STX18: variants seen among roughly 807,000 people sequenced by gnomAD.
STX18 encodes the protein syntaxin-18.
Under a neutral mutation model 50.1 loss-of-function variants are expected in STX18, and 40 were observed. The ratio of observed to expected loss-of-function variants is 0.80; its 90% CI spans 0.62 to 1.04. The LOEUF is 1.04. Among genes scored for constraint, STX18 ranks in the 50% least tolerant of loss-of-function variants. The pLI is 0.00. For missense variants in STX18, 410 were observed against 415.8 expected, an observed-to-expected ratio of 0.99 and a Z score of 0.12; for synonymous variants, 158 against 151.8, an observed-to-expected ratio of 1.04 and a Z score of -0.30.
rs74766870 is a variant in STX18, at chr4:4,509,695, A to T, written c.168+32102T>A. On this transcript the variant is annotated intron_variant, in intron 1 of 10. Transcript: ENST00000306200. ...GTGAAAGTGTTACGGGACAAAAAGC[A>T]AAAGTAATGCAAAGTAAGGGAAATC... Among the ~76,000 whole-genome samples, 18 of 152,332 alleles carry T rather than the reference A, an allele frequency of 1.2e-4. 1 individual carries two copies. In the East Asian group the frequency reaches 3.5e-3, roughly 29 times the overall value.
intron 1 of STX18, among the ~76,000 whole-genome samples, chr4:4,497,919 TAAGGAG>T (rs1309882855): frequency 1.3e-5 from 2 of 152,164 alleles, no homozygotes; most frequent in African/African-American, 2.4e-5. Context: ...CACAAGAATG[TAAGGAG>T]GTAATATGCC....
chr4:4,493,455 T>C (rs1024399740), intron 1 of STX18, among the ~76,000 whole-genome samples: 8 of 152,224 alleles, frequency 5.3e-5, no homozygotes, highest in Non-Finnish European at 8.8e-5. Flanking sequence ...CTGTATTTAA[T>C]TGACACCACA....
At chr4:4,436,526 G>C (rs1293618305) in intron 6 of STX18, among the ~76,000 whole-genome samples, 1 of 151,336 alleles carries the variant, frequency 6.6e-6, no homozygotes, top group Non-Finnish European at 1.5e-5. Flanking sequence ...CAGAAACCTT[G>C]TTCATATCTG....
At chr4:4,438,792 C>T (rs970360450) in intron 5 of STX18, among the ~76,000 whole-genome samples, 6 of 151,896 alleles carry the variant, frequency 4.0e-5, no homozygotes, top group Non-Finnish European at 5.9e-5. Flanking sequence ...GTGCTGAATA[C>T]GCTCCATAGA....
At chr4:4,503,461 A>G (rs1220820961) in intron 1 of STX18, among the ~76,000 whole-genome samples, 2 of 152,158 alleles carry the variant, frequency 1.3e-5, no homozygotes, top group Non-Finnish European at 2.9e-5. Context: ...CTCAACATAC[A>G]ACACTTAGAG....
chr4:4,423,813 C>G, intron 8 of STX18: 1 of 564,624 alleles, frequency 1.8e-6, no homozygotes, highest in Non-Finnish European at 3.2e-6. Flanking sequence ...TTTTGGAAGT[C>G]CACTCTACCA....
intron 5 of STX18, among the ~76,000 whole-genome samples, chr4:4,442,804 A>T (rs1399388515): frequency 3.4e-5 from 2 of 58,600 alleles, no homozygotes; most frequent in Non-Finnish European, 6.0e-5. Context: ...CAAGTTTATT[A>T]AAAAAAAAAA....
In STX18 at chr4:4,420,611, AG is replaced by A; in HGVS notation, c.912+252del. On this transcript the variant is annotated intron_variant, in intron 10 of 10. Transcript: ENST00000306200. The surrounding 1 kb of genome is among the most constrained non-coding windows in gnomAD (Gnocchi z 4.3). Reference sequence around the variant, plus strand: ...CATGAAGAGCTGGCCTGACCCTGCCAGGAGTACCCCCACCCACCCTGGATTG... The same window carrying A: ...CATGAAGAGCTGGCCTGACCCTGCCAGAGTACCCCCACCCACCCTGGATTG... The A allele has an allele frequency of 1.9e-6, 1 of 514,036 alleles. No homozygotes were observed. Among genetic ancestry groups the A allele is most frequent in the Non-Finnish European group, 3.4e-6 (1 of 290,146 alleles). 31.8% of individuals were successfully genotyped at this position (514,036 alleles called of 1,614,324 possible).
Position 4,503,293 on chromosome 4 carries a change from T to TA in STX18, c.169-31588dup, listed in dbSNP as rs142152402. On this transcript the variant is annotated intron_variant, in intron 1 of 10. Coordinates refer to ENST00000306200, the MANE Select transcript of STX18 (RefSeq NM_016930.4). ...TGATATTAAACCTTGTCAGATTCTT[T>TA]AAAAAAGTAATATTCATCTACTTGC... Among the ~76,000 whole-genome samples, 660 of 152,264 alleles carry TA rather than the reference T, an allele frequency of 4.3e-3. 2 individuals carry two copies. Among genetic ancestry groups the TA allele is most frequent in the African/African-American group, 0.015 (624 of 41,542 alleles).
chr4:4,481,070 C>G (rs1181030208), intron 1 of STX18, among the ~76,000 whole-genome samples: 2 of 152,158 alleles, frequency 1.3e-5, no homozygotes, highest in Admixed American at 1.3e-4. Flanking sequence ...TATGTGTCAC[C>G]CACAGAACAG....
chr4:4,430,894 T>C (rs922051520), intron 7 of STX18, among the ~76,000 whole-genome samples: 7 of 152,168 alleles, frequency 4.6e-5, no homozygotes, highest in African/African-American at 1.4e-4. Context: ...CTTACAAAGA[T>C]AGTAAGTGGT....
chr4:4,494,033 G>C (rs1729061190), intron 1 of STX18, among the ~76,000 whole-genome samples: 1 of 152,172 alleles, frequency 6.6e-6, no homozygotes, highest in Non-Finnish European at 1.5e-5. Context: ...CATATCCCAT[G>C]GTGGTATCCT....
intron 7 of STX18, among the ~76,000 whole-genome samples, chr4:4,427,445 G>C (rs911053613): frequency 2.0e-5 from 3 of 152,208 alleles, no homozygotes; most frequent in African/African-American, 7.2e-5. Flanking sequence ...TTACTTAAGA[G>C]GACAGTATTT....
intron 2 of STX18, among the ~76,000 whole-genome samples, chr4:4,464,525 C>T (rs1727527144): frequency 1.3e-5 from 2 of 152,186 alleles, no homozygotes; most frequent in African/African-American, 4.8e-5. Flanking sequence ...TCCCTTCCCT[C>T]CTTCTTGCTT....
chr4:4,476,929 G>A (rs1728204173), intron 1 of STX18, among the ~76,000 whole-genome samples: 1 of 152,186 alleles, frequency 6.6e-6, no homozygotes, highest in East Asian at 1.9e-4. Flanking sequence ...GGCTTGGGCA[G>A]TGGCTTAAGC....
intron 7 of STX18, among the ~76,000 whole-genome samples, chr4:4,433,124 T>G (rs1381676938): frequency 6.6e-6 from 1 of 152,204 alleles, no homozygotes; most frequent in African/African-American, 2.4e-5. Flanking sequence ...AGGGCTTTAG[T>G]TTTTGTGCGT....
At chr4:4,431,993 C>T (rs1193418335) in intron 7 of STX18, among the ~76,000 whole-genome samples, 2 of 152,178 alleles carry the variant, frequency 1.3e-5, no homozygotes, top group Non-Finnish European at 2.9e-5. Flanking sequence ...GCACTTATTT[C>T]AAGTCATAAG....
chr4:4,438,371 G>A, intron 6 of STX18, 23 bp downstream of exon 6: 1 of 1,555,390 alleles, frequency 6.4e-7, no homozygotes, highest in Non-Finnish European at 8.9e-7. Flanking sequence ...AATGCAAGGT[G>A]AGATTTTCAT....
chr4:4,450,477 T>C (rs573869199), intron 5 of STX18, among the ~76,000 whole-genome samples: 6 of 152,310 alleles, frequency 3.9e-5, no homozygotes, highest in African/African-American at 1.4e-4. Context: ...ATGCTAATTT[T>C]TGTTTTAGTA....
Sources: gnomAD v4.1 joint callset for allele counts (sites outside exome capture counted in the v4.1 genomes callset) on GRCh38, gnomAD v4.1.1 for gene constraint, Gnocchi (gnomAD v3.1) non-coding constraint, MANE v1.5 for transcripts, NCBI Gene and HGNC (gene_info 2026-07-23, HGNC 2026-07-21) for gene names.